The following ARHGAP21 variants were observed in gnomAD, a reference collection of about 807,000 sequenced individuals.
ARHGAP21 encodes Rho GTPase activating protein 21.
ARHGAP21 carries 38 observed loss-of-function variants against 164.6 expected under a neutral mutation model. The observed-to-expected ratio is 0.23, with a 90% CI of 0.18 to 0.30. The LOEUF is 0.30. Ranked by LOEUF, ARHGAP21 falls within the 10% of genes least tolerant of loss-of-function variation. ARHGAP21 has a pLI of 1.00. For missense variants in ARHGAP21, 1,822 were observed against 2,370.7 expected, an observed-to-expected ratio of 0.77 and a Z score of 4.81; for synonymous variants, 766 against 857.9, an observed-to-expected ratio of 0.89 and a Z score of 1.87.
intron 2 of ARHGAP21, among the ~76,000 whole-genome samples, chr10:24,683,735 C>T (rs1470007836): frequency 2.0e-5 from 3 of 152,178 alleles, no homozygotes; most frequent in Non-Finnish European, 4.4e-5. Context: ...CTGTCCCTGT[C>T]AGCCTCTCAA....
At chr10:24,592,573 C>G (rs368535386) in intron 21 of ARHGAP21, among the ~76,000 whole-genome samples, 6 of 151,706 alleles carry the variant, frequency 4.0e-5, no homozygotes, top group African/African-American at 1.5e-4. Flanking sequence ...TTTGGGGGAC[C>G]GAGTCAGGTG....
chr10:24,710,277 C>T (rs1844654717), intron 2 of ARHGAP21, among the ~76,000 whole-genome samples: 1 of 152,068 alleles, frequency 6.6e-6, no homozygotes, highest in East Asian at 1.9e-4. Context: ...CCCTAGTATT[C>T]TAGAGATAAT....
chr10:24,596,979 C>T (rs2076611327), intron 16 of ARHGAP21, 97 bp from the exon 17 acceptor site: 2 of 1,317,852 alleles, frequency 1.5e-6, no homozygotes, highest in East Asian at 2.6e-5. Context: ...TACATAAATC[C>T]AAGTCCTGTA....
intron 2 of ARHGAP21, among the ~76,000 whole-genome samples, chr10:24,704,447 T>C (rs914364526): frequency 7.1e-6 from 1 of 140,444 alleles, no homozygotes; most frequent in Non-Finnish European, 1.5e-5. Context: ...CACACCACCA[T>C]GCCTGACTTA....
At chr10:24,591,583 C>A (rs2076333808) in intron 23 of ARHGAP21, 59 bp downstream of exon 23, 1 of 1,589,522 alleles carries the variant, frequency 6.3e-7, no homozygotes, top group Non-Finnish European at 8.6e-7. Flanking sequence ...TGTTGGCGCG[C>A]CAGGATCTTG....
intron 4 of ARHGAP21, among the ~76,000 whole-genome samples, chr10:24,656,661 T>C (rs1593189439): frequency 3.0e-5 from 2 of 67,770 alleles, no homozygotes; most frequent in Non-Finnish European, 6.4e-5. Context: ...GGAGCCCCTC[T>C]GCCCGGCCAG....
chr10:24,591,451 T>C (rs961929679), intron 23 of ARHGAP21, 121 bp from the exon 24 acceptor site: 36 of 1,106,726 alleles, frequency 3.3e-5, no homozygotes, highest in Middle Eastern at 2.1e-4. Flanking sequence ...TGTGTTTACA[T>C]TGTTTACGCA....
chr10:24,596,937 A>G (rs1048503868), intron 16 of ARHGAP21, 55 bp from the exon 17 acceptor site: 5 of 1,545,278 alleles, frequency 3.2e-6, no homozygotes, highest in Non-Finnish European at 4.3e-6. Context: ...TGAGTGTCTA[A>G]ATCATGACTT....
At chr10:24,649,546 G>C (rs993235266) in intron 4 of ARHGAP21, among the ~76,000 whole-genome samples, 1 of 152,140 alleles carries the variant, frequency 6.6e-6, no homozygotes. Context: ...GTGGCCATGG[G>C]CTAAACTGCA....
At chr10:24,589,229 A>G (rs759489199) in intron 25 of ARHGAP21, 42 bp downstream of exon 25, 2 of 1,554,360 alleles carry the variant, frequency 1.3e-6, no homozygotes, top group Non-Finnish European at 1.8e-6. Context: ...GCCGAAAAAC[A>G]ATTCCCCCCT....
chr10:24,665,764 G>T (rs111780326), intron 4 of ARHGAP21, among the ~76,000 whole-genome samples: 1 of 152,096 alleles, frequency 6.6e-6, no homozygotes, highest in Non-Finnish European at 1.5e-5. Flanking sequence ...TGCTAAACAC[G>T]TATGACCTTG....
chr10:24,713,893 A>G (rs1845103682), intron 2 of ARHGAP21, among the ~76,000 whole-genome samples: 1 of 152,256 alleles, frequency 6.6e-6, no homozygotes, highest in African/African-American at 2.4e-5. Flanking sequence ...ACCCAATTTT[A>G]TAAGAACATG....
chr10:24,700,653 A>G (rs1013674785), intron 2 of ARHGAP21, among the ~76,000 whole-genome samples: 2 of 152,254 alleles, frequency 1.3e-5, no homozygotes, highest in Non-Finnish European at 2.9e-5. Flanking sequence ...TTAGCCACTT[A>G]GAATTTTTCT....
chr10:24,698,776 C>T (rs1197159579), intron 2 of ARHGAP21, among the ~76,000 whole-genome samples: 1 of 152,192 alleles, frequency 6.6e-6, no homozygotes, highest in African/African-American at 2.4e-5. Flanking sequence ...ACAATCCAAA[C>T]ATAACCACTT....
intron 6 of ARHGAP21, among the ~76,000 whole-genome samples, chr10:24,632,253 G>C (rs191249608): frequency 6.6e-6 from 1 of 152,160 alleles, no homozygotes; most frequent in Non-Finnish European, 1.5e-5. Context: ...AGAAAACAAT[G>C]ATTAAGTTGG....
At position 24,635,103 on chromosome 10, in the gene ARHGAP21, C is replaced by A; in HGVS notation, c.269G>T (p.Gly90Val). 2 of 1,581,416 alleles carry A rather than the reference C, an allele frequency of 1.3e-6. No homozygotes were observed. The highest frequency in any genetic ancestry group is 8.6e-7 in the Non-Finnish European group (1 of 1,166,338). ...YKDEENGNRG[G>V]KQRNRLEPMD... ...TGGTTCCAAGCGGTTTCTTTGTTTT[C>A]CTGTTACAGAGAAGCCCAAAGCATG... Residue 90 changes from glycine to valine, a missense_variant and splice_region_variant, in exon 5 of 26, where the codon GGA becomes GTA. Around this residue, in one of 5 missense-constraint regions of ARHGAP21, gnomAD observed 1,090 missense variants for 1,378.9 expected, o/e 0.79. Transcript: ENST00000396432.
rs199539645 is a variant in ARHGAP21, at chr10:24,634,984, G to A, written c.361+27C>T. On this transcript the variant is annotated intron_variant, in intron 5 of 25. Transcript: ENST00000396432. ...AATAAAGTGAAAAAGAAATTAAAAC[G>A]TATTGTTTAAAGAAGAATATCAGCA... The A allele has an allele frequency of 1.9e-4, 268 of 1,411,606 alleles. 1 individual carries two copies. The East Asian group carries it at 4.7e-3, about 25-fold the overall frequency. The allele number at this position is 1,411,606 out of a possible 1,614,324, so 87.4% of individuals were successfully genotyped here. A position where few individuals can be genotyped will look rare whatever the true frequency, so the allele number is the denominator to read the frequency against.
intron 14 of ARHGAP21, among the ~76,000 whole-genome samples, chr10:24,599,558 C>T (rs2076724760): frequency 6.6e-6 from 1 of 152,148 alleles, no homozygotes; most frequent in African/African-American, 2.4e-5. Context: ...CATAAGTTTA[C>T]ATTTAATGTA....
At chr10:24,610,309 G>A (rs910904634) in intron 9 of ARHGAP21, among the ~76,000 whole-genome samples, 3 of 151,580 alleles carry the variant, frequency 2.0e-5, no homozygotes, top group African/African-American at 4.8e-5. Flanking sequence ...CCCGGGAGGC[G>A]GAGCTGCAGT....
Sources: gnomAD v4.1 joint callset for allele counts (sites outside exome capture counted in the v4.1 genomes callset) on GRCh38, gnomAD v4.1.1 for gene constraint, gnomAD v4.1.1 regional missense constraint, MANE v1.5 for transcripts, NCBI Gene and HGNC (gene_info 2026-07-23, HGNC 2026-07-21) for gene names.